The following PRKCH variants were observed in gnomAD, a reference collection of about 807,000 sequenced individuals.
PRKCH encodes the protein protein kinase C eta, also known as protein kinase C eta type.
In PRKCH, 28 loss-of-function variants were observed where a neutral mutation model predicts 82.5. The ratio of observed to expected loss-of-function variants is 0.34; its 90% CI spans 0.25 to 0.47. The LOEUF (loss-of-function observed/expected upper bound fraction) is 0.47. Ranked by LOEUF, PRKCH falls within the 20% of genes least tolerant of loss-of-function variation. The probability of loss-of-function intolerance (pLI) is 1.00; values close to 1 mark genes in which losing one functional copy is unlikely to be tolerated. For missense variants in PRKCH, 705 were observed against 881.8 expected, an observed-to-expected ratio of 0.80 and a Z score of 2.54; for synonymous variants, 322 against 327.4, an observed-to-expected ratio of 0.98 and a Z score of 0.18.
chr14:61,518,155 G>A (rs1313322470), intron 10 of PRKCH, among the ~76,000 whole-genome samples: 3 of 152,166 alleles, frequency 2.0e-5, no homozygotes, highest in African/African-American at 4.8e-5. Context: ...AGAGCAAGGC[G>A]CTATGGTCAG....
intron 2 of PRKCH, among the ~76,000 whole-genome samples, chr14:61,442,366 AC>A (rs1322827724): frequency 6.6e-6 from 1 of 152,180 alleles, no homozygotes; most frequent in Non-Finnish European, 1.5e-5. Context: ...TGGGTTTTGG[AC>A]AGAGCTCTCA....
chr14:61,275,477 T>C (rs2045193587), intron 1 of PRKCH, among the ~76,000 whole-genome samples: 1 of 152,200 alleles, frequency 6.6e-6, no homozygotes, highest in South Asian at 2.1e-4. Context: ...GGGAACTTAG[T>C]TAAGAGCTCA....
At chr14:61,474,911 A>C (rs1317903087) in intron 9 of PRKCH, among the ~76,000 whole-genome samples, 2 of 152,206 alleles carry the variant, frequency 1.3e-5, no homozygotes, top group Non-Finnish European at 2.9e-5. Flanking sequence ...GAGGAAATGA[A>C]TTCTCAGCCA....
chr14:61,417,354 AG>A (rs1208148302), intron 2 of PRKCH, among the ~76,000 whole-genome samples: 77 of 152,252 alleles, frequency 5.1e-4, no homozygotes, highest in African/African-American at 1.7e-3. Context: ...CCTGATTTCT[AG>A]GGCTTTAACT....
At chr14:61,426,335 A>G (rs1233246898) in intron 2 of PRKCH, among the ~76,000 whole-genome samples, 1 of 137,346 alleles carries the variant, frequency 7.3e-6, no homozygotes, top group East Asian at 2.2e-4. Flanking sequence ...CATCACCTTC[A>G]ATGAAAACAA....
chr14:61,286,369 G>A (rs1326573943), intron 1 of PRKCH, among the ~76,000 whole-genome samples: 2 of 152,230 alleles, frequency 1.3e-5, no homozygotes, highest in African/African-American at 4.8e-5. Context: ...CCTAGTGGAA[G>A]ATGCAGAGAA....
intron 1 of PRKCH, among the ~76,000 whole-genome samples, chr14:61,386,710 G>A (rs1177994653): frequency 6.6e-6 from 1 of 152,212 alleles, no homozygotes; most frequent in Non-Finnish European, 1.5e-5. Context: ...TCTGACAGTA[G>A]GACTTCATAA....
intron 1 of PRKCH, among the ~76,000 whole-genome samples, chr14:61,366,572 G>T (rs1332008322): frequency 6.6e-6 from 1 of 152,080 alleles, no homozygotes; most frequent in Non-Finnish European, 1.5e-5. Flanking sequence ...GCATTTTGGA[G>T]ATGATAGTCT....
At chr14:61,206,645 C>G (rs1376212286) in intron 1 of PRKCH, among the ~76,000 whole-genome samples, 1 of 152,076 alleles carries the variant, frequency 6.6e-6, no homozygotes, top group Non-Finnish European at 1.5e-5. Flanking sequence ...AGAGAACAAA[C>G]CCAATTAGAA....
At chr14:61,229,055 G>A (rs909811672) in intron 1 of PRKCH, among the ~76,000 whole-genome samples, 5 of 151,818 alleles carry the variant, frequency 3.3e-5, no homozygotes, top group Non-Finnish European at 5.9e-5. Flanking sequence ...AAATTCCACT[G>A]GTAGGAATTT....
chr14:61,463,993 A>G (rs1885144486), intron 9 of PRKCH, among the ~76,000 whole-genome samples: 1 of 152,228 alleles, frequency 6.6e-6, no homozygotes, highest in African/African-American at 2.4e-5. Context: ...GGTTGATTCC[A>G]TATCTTGGCT....
At chr14:61,202,283 C>T (rs923265067) in intron 1 of PRKCH, among the ~76,000 whole-genome samples, 3 of 152,232 alleles carry the variant, frequency 2.0e-5, no homozygotes, top group East Asian at 3.9e-4. Context: ...ACTTTTCACT[C>T]ACTCTTCTCT....
chr14:61,309,364 G>A (rs2045505042), intron 1 of PRKCH, among the ~76,000 whole-genome samples: 2 of 152,212 alleles, frequency 1.3e-5, no homozygotes, highest in African/African-American at 4.8e-5. Flanking sequence ...TCTGTGGCAG[G>A]GGCCAAAGGA....
At chr14:61,502,004 A>G (rs1378649050) in intron 10 of PRKCH, among the ~76,000 whole-genome samples, 1 of 151,610 alleles carries the variant, frequency 6.6e-6, no homozygotes, top group East Asian at 1.9e-4. Context: ...GAGAGATGAA[A>G]TCTAAATCCT....
chr14:61,218,263 C>T (rs2140050794), intron 1 of PRKCH, among the ~76,000 whole-genome samples: 1 of 152,298 alleles, frequency 6.6e-6, no homozygotes, highest in Middle Eastern at 3.4e-3. Context: ...GCCTTTCTTC[C>T]TCTCTCCCTC....
At chr14:61,382,416 C>A (rs889567425) in intron 1 of PRKCH, among the ~76,000 whole-genome samples, 1 of 151,850 alleles carries the variant, frequency 6.6e-6, no homozygotes, top group African/African-American at 2.4e-5. Flanking sequence ...GGTGACAGAG[C>A]CAGACTCTGT....
chr14:61,207,165 G>T (rs1349125958), intron 1 of PRKCH, among the ~76,000 whole-genome samples: 1 of 123,660 alleles, frequency 8.1e-6, no homozygotes, highest in African/African-American at 3.0e-5. Flanking sequence ...GGGCCCATGA[G>T]ATTCTGCATC....
At chr14:61,308,332 A>G (rs1156476670) in intron 1 of PRKCH, among the ~76,000 whole-genome samples, 1 of 152,194 alleles carries the variant, frequency 6.6e-6, no homozygotes, top group Non-Finnish European at 1.5e-5. Flanking sequence ...TTTTAAAGTC[A>G]TTTCCTAACT....
At chr14:61,256,595 A>G (rs905107066) in intron 1 of PRKCH, among the ~76,000 whole-genome samples, 5 of 152,224 alleles carry the variant, frequency 3.3e-5, no homozygotes, top group Non-Finnish European at 7.3e-5. Context: ...TACCTTGCCC[A>G]CAGTAAACAT....
Sources: allele counts gnomAD v4.1 joint callset (sites outside exome capture counted in the v4.1 genomes callset), GRCh38; gene constraint gnomAD v4.1.1; transcripts MANE v1.5; gene names NCBI Gene and HGNC (gene_info 2026-07-23, HGNC 2026-07-21).